The following CDKAL1 variants were observed in gnomAD, a reference collection of about 807,000 sequenced individuals.
CDKAL1 encodes the protein CDKAL1 threonylcarbamoyladenosine tRNA methylthiotransferase, also known as threonylcarbamoyladenosine tRNA methylthiotransferase.
Under a neutral mutation model 68.2 loss-of-function variants are expected in CDKAL1, and 32 were observed. That is an observed-to-expected ratio of 0.47 (90% CI 0.35 to 0.63). The LOEUF (loss-of-function observed/expected upper bound fraction) is 0.63, where lower values mean the gene tolerates loss of function less well. Ranked by LOEUF, CDKAL1 falls within the 30% of genes least tolerant of loss-of-function variation. The probability of loss-of-function intolerance (pLI) is 0.00; values close to 1 mark genes in which losing one functional copy is unlikely to be tolerated. For synonymous variants in CDKAL1, 234 were observed against 244.3 expected (o/e 0.96, Z 0.39); for missense variants, 606 against 696.7 (o/e 0.87, Z 1.47).
intron 8 of CDKAL1, among the ~76,000 whole-genome samples, chr6:20,791,771 G>C (rs1341112892): frequency 6.6e-6 from 1 of 152,110 alleles, no homozygotes; most frequent in Non-Finnish European, 1.5e-5. Context: ...TTTTAAAGGA[G>C]GGACTGCTAA....
chr6:21,205,830 C>A (rs1186564326), intron 15 of CDKAL1, among the ~76,000 whole-genome samples: 2 of 66,610 alleles, frequency 3.0e-5, no homozygotes, highest in Non-Finnish European at 5.2e-5. Flanking sequence ...CGCGCCCAGC[C>A]TTTTTTTTTT....
intron 10 of CDKAL1, among the ~76,000 whole-genome samples, chr6:20,973,573 A>C (rs774630692): frequency 3.3e-5 from 5 of 152,122 alleles, no homozygotes; most frequent in Non-Finnish European, 7.4e-5. Flanking sequence ...CTGCCAGGTG[A>C]TCCAACATAG....
At chr6:20,985,914 A>T (rs541788418) in intron 10 of CDKAL1, among the ~76,000 whole-genome samples, 279 of 151,744 alleles carry the variant, frequency 1.8e-3, no homozygotes, top group Non-Finnish European at 3.0e-3. Flanking sequence ...TCATTTTTAT[A>T]TGCTTTTCAA....
intron 4 of CDKAL1, among the ~76,000 whole-genome samples, chr6:20,594,460 G>T (rs190271655): frequency 2.5e-3 from 377 of 152,054 alleles, no homozygotes; most frequent in Admixed American, 4.1e-3. Context: ...TTTGATCTTT[G>T]TTGGTTTAAA....
chr6:21,035,112 G>T (rs189885708), intron 11 of CDKAL1, among the ~76,000 whole-genome samples: 1 of 152,168 alleles, frequency 6.6e-6, no homozygotes, highest in African/African-American at 2.4e-5. Context: ...TGTGCATGTT[G>T]ATATTTGTGC....
intron 4 of CDKAL1, among the ~76,000 whole-genome samples, chr6:20,647,104 C>G (rs887734747): frequency 2.0e-5 from 3 of 152,152 alleles, no homozygotes; most frequent in Non-Finnish European, 4.4e-5. Flanking sequence ...CATTAGCTAG[C>G]AGACATCTGT....
chr6:20,698,902 T>C (rs1183125845), intron 5 of CDKAL1, among the ~76,000 whole-genome samples: 3 of 152,162 alleles, frequency 2.0e-5, no homozygotes, highest in African/African-American at 7.2e-5. Flanking sequence ...GTTTAAGAGT[T>C]GGTAGAATTT....
At chr6:20,810,050 A>G (rs1776729531) in intron 8 of CDKAL1, among the ~76,000 whole-genome samples, 1 of 152,166 alleles carries the variant, frequency 6.6e-6, no homozygotes, top group Non-Finnish European at 1.5e-5. Context: ...CCGCAGACTG[A>G]TAGTGATCCT....
At chr6:20,613,245 C>CTTTCTTTTTTTT (rs1766717151) in intron 4 of CDKAL1, among the ~76,000 whole-genome samples, 2 of 67,390 alleles carry the variant, frequency 3.0e-5, no homozygotes, top group East Asian at 5.2e-4. Flanking sequence ...CACAAAATTT[C>CTTTCTTTTTTTT]TTTCTTTTTT....
At chr6:20,752,811 A>T (rs1316364570) in intron 6 of CDKAL1, among the ~76,000 whole-genome samples, 1 of 152,216 alleles carries the variant, frequency 6.6e-6, no homozygotes, top group African/African-American at 2.4e-5. Flanking sequence ...TATTAGCTTT[A>T]TTCAGATATT....
chr6:20,836,964 C>T (rs1293418478), intron 8 of CDKAL1, among the ~76,000 whole-genome samples: 1 of 152,142 alleles, frequency 6.6e-6, no homozygotes, highest in Admixed American at 6.5e-5. Flanking sequence ...TTTTCTCTCT[C>T]TGGTAAATGC....
intron 12 of CDKAL1, among the ~76,000 whole-genome samples, chr6:21,093,465 C>T (rs946018514): frequency 4.6e-5 from 7 of 152,052 alleles, no homozygotes; most frequent in African/African-American, 7.2e-5. Context: ...GAGAGGTGAG[C>T]GAAATCTCCA....
Position 20,744,715 on chromosome 6 carries a change from G to T in CDKAL1, c.468+5100G>T, listed in dbSNP as rs151189657. Among the ~76,000 whole-genome samples the T allele has an allele frequency of 2.0e-3, 299 of 152,278 alleles. 8 individuals are homozygous for T. In the South Asian group the frequency reaches 0.048, roughly 24 times the overall value. ...TATTTGCTGAGTTCTTCTTCCTAAG[G>T]TAGTGTTATTTATCAGTTATTACAG... is the stretch of plus-strand genomic sequence containing the variant. On this transcript the variant is annotated intron_variant, in intron 6 of 15. Coordinates refer to ENST00000274695, the MANE Select transcript of CDKAL1 (RefSeq NM_017774.3).
intron 4 of CDKAL1, among the ~76,000 whole-genome samples, chr6:20,565,009 T>A (rs1764401615): frequency 6.6e-6 from 1 of 152,136 alleles, no homozygotes. Flanking sequence ...CAGGATGTGG[T>A]GAATACACTT....
At chr6:20,759,947 G>A (rs922234432) in intron 7 of CDKAL1, among the ~76,000 whole-genome samples, 1 of 151,848 alleles carries the variant, frequency 6.6e-6, no homozygotes, top group Non-Finnish European at 1.5e-5. Context: ...TAGTCTCCAC[G>A]TGCCAAACTG....
In CDKAL1 at chr6:20,999,663, TAAAAAAAAAA is replaced by T. The variant is rs36078234; in HGVS notation, c.910-549_910-540del. On this transcript the variant is annotated intron_variant, in intron 10 of 15. Coordinates refer to ENST00000274695, the MANE Select transcript of CDKAL1 (RefSeq NM_017774.3). The stretch of plus-strand genomic sequence containing the variant: ...TACTCAAAAAATATGTGACTGAAAT[TAAAAAAAAAA>T]AAAAAAAAAAAAAAGAAAGAAACAG... Among the ~76,000 whole-genome samples the T allele has an allele frequency of 8.6e-5, 8 of 93,402 alleles. No individual in the cohort carries two copies. The East Asian group carries it at 8.8e-4, about 10-fold the overall frequency. The allele number at this position is 93,402 out of a possible 152,430, so 61.3% of individuals were successfully genotyped here.
At chr6:20,560,239 T>C (rs1395202186) in intron 4 of CDKAL1, among the ~76,000 whole-genome samples, 1 of 152,250 alleles carries the variant, frequency 6.6e-6, no homozygotes, top group Non-Finnish European at 1.5e-5. Flanking sequence ...ACTTTATTTC[T>C]TCTGATTGAT....
chr6:21,112,581 G>A (rs1438149811), intron 13 of CDKAL1, among the ~76,000 whole-genome samples: 1 of 152,168 alleles, frequency 6.6e-6, no homozygotes, highest in African/African-American at 2.4e-5. Flanking sequence ...TCTAGCTCCT[G>A]TGTTGGTGAA....
At chr6:20,950,064 G>T (rs1764447955) in intron 9 of CDKAL1, among the ~76,000 whole-genome samples, 1 of 151,470 alleles carries the variant, frequency 6.6e-6, no homozygotes, top group Non-Finnish European at 1.5e-5. Context: ...TGCTAGGATG[G>T]CAGGCACGAG....
Sources: gnomAD v4.1 joint callset for allele counts (sites outside exome capture counted in the v4.1 genomes callset) on GRCh38, gnomAD v4.1.1 for gene constraint, MANE v1.5 for transcripts, NCBI Gene and HGNC (gene_info 2026-07-23, HGNC 2026-07-21) for gene names.